Variants in ZNF541 observed in about 807,000 individuals in gnomAD.
ZNF541 encodes the protein zinc finger protein 541.
Under a neutral mutation model 123.5 loss-of-function variants are expected in ZNF541, and 23 were observed. The ratio of observed to expected loss-of-function variants is 0.19; its 90% CI spans 0.13 to 0.26. ZNF541 has a LOEUF of 0.26. Among genes scored for constraint, ZNF541 ranks in the 10% least tolerant of loss-of-function variants. The pLI is 1.00. For synonymous variants in ZNF541, 751 were observed against 754.5 expected, an observed-to-expected ratio of 1.00 and a Z score of 0.08; for missense variants, 1,612 against 1,789.9, an observed-to-expected ratio of 0.90 and a Z score of 1.79.
At chr19:47,547,578 A>G (rs1970408057) in intron 4 of ZNF541, among the ~76,000 whole-genome samples, 1 of 152,136 alleles carries the variant, frequency 6.6e-6, no homozygotes, top group African/African-American at 2.4e-5. Context: ...ACCCCCAGCT[A>G]TTACCAACTT....
In ZNF541 at chr19:47,551,825, A is replaced by G. The variant is rs145745050; in HGVS notation, c.308-2340T>C. ...CTGGGATTACAGGCGTGAACCATAC[A>G]TAGCACCTGGCTTAAACTGCCTTAT... On this transcript the variant is annotated intron_variant, in intron 3 of 16. Coordinates refer to ENST00000391901, the MANE Select transcript of ZNF541 (RefSeq NM_001277075.3). Among the ~76,000 whole-genome samples the G allele has an allele frequency of 4.7e-4, 71 of 150,766 alleles. 2 individuals carry two copies. The East Asian group carries it at 0.011, about 22-fold the overall frequency.
rs760781589 is a variant in ZNF541 at position 47,521,430 on chromosome 19, G to A, written c.3887+49C>T. On this transcript the variant is annotated intron_variant, in intron 16 of 16. Coordinates refer to ENST00000391901, the MANE Select transcript of ZNF541 (RefSeq NM_001277075.3). The surrounding 1 kb of genome is among the most constrained non-coding windows in gnomAD (Gnocchi z 4.2). The stretch of plus-strand genomic sequence containing the variant: ...CAGAGCAGGGAGGAAGGGATCACAG[G>A]GGCTGAGGCTGGGAGCCCTGGGAGT... The A allele has an allele frequency of 4.5e-6, 7 of 1,550,568 alleles. No individual in the cohort carries two copies. Among genetic ancestry groups the A allele is most frequent in the Non-Finnish European group, 5.2e-6 (6 of 1,145,988 alleles).
intron 2 of ZNF541, among the ~76,000 whole-genome samples, chr19:47,568,171 T>A (rs1310552966): frequency 6.6e-6 from 1 of 151,974 alleles, no homozygotes; most frequent in East Asian, 1.9e-4. Context: ...TTTGAAAAGC[T>A]CCAACCACTG....
At chr19:47,528,125 A>C (rs1453210279) in intron 14 of ZNF541, among the ~76,000 whole-genome samples, 1 of 135,022 alleles carries the variant, frequency 7.4e-6, no homozygotes, top group Non-Finnish European at 1.6e-5. Context: ...GACTAGCCTG[A>C]CCAACATGGA....
chr19:47,562,311 G>A (rs575369186), intron 2 of ZNF541, among the ~76,000 whole-genome samples: 12 of 151,436 alleles, frequency 7.9e-5, no homozygotes, highest in South Asian at 4.2e-4. Flanking sequence ...TGGGAGGTCC[G>A]GGAGGGCGGA....
chr19:47,542,775 G>A lies in ZNF541; in HGVS notation c.2403+1351C>T, dbSNP rs541012445. Among the ~76,000 whole-genome samples, 384 of 152,142 alleles carry A rather than the reference G, an allele frequency of 2.5e-3. 1 individual carries two copies. The highest frequency in any genetic ancestry group is 8.5e-3 in the African/African-American group (351 of 41,480). On this transcript the variant is annotated intron_variant, in intron 5 of 16. Transcript: ENST00000391901. Reference sequence around the variant, plus strand: ...AGCCTGGCCAAGATGGTGAAACCTCGTCTCTACTAAACACACAAAAATTAG... The same window carrying A: ...AGCCTGGCCAAGATGGTGAAACCTCATCTCTACTAAACACACAAAAATTAG...
At chr19:47,531,845 C>T in intron 11 of ZNF541, 100 bp from the exon 12 acceptor site, 21 of 1,084,754 alleles carry the variant, frequency 1.9e-5, no homozygotes, top group Non-Finnish European at 2.6e-5. Flanking sequence ...GGTGCCTTCC[C>T]CTTCTCTCTC....
At position 47,545,708 on chromosome 19, in the gene ZNF541, A is replaced by G. The variant is rs1479885984; in HGVS notation, c.821T>C (p.Leu274Pro). Residue 274 changes from leucine (L) to proline (P), a missense_variant, in exon 5 of 17, where the codon CTC (leucine) becomes CCC (proline). By Grantham distance (98) the Leu-to-Pro change is moderately conservative (BLOSUM62 -3). Transcript: ENST00000391901. The surrounding 1 kb of genome is among the most constrained non-coding windows in gnomAD (Gnocchi z 7.5). ...GATGCTACTCACGATGCGGCGCAGG[A>G]GGTCCCGGTGGGGCAGGAGGGAGCC... Reference protein sequence around the residue: ...SPGSLLPHRDLLRRIVSSIVH... With the variant: ...SPGSLLPHRDPLRRIVSSIVH... 6 of 1,547,234 alleles carry G rather than the reference A, an allele frequency of 3.9e-6. No homozygotes were observed.
chr19:47,540,466 G>A lies in ZNF541; in HGVS notation c.2463-131C>T, dbSNP rs1481371692. On this transcript the variant is annotated intron_variant, in intron 6 of 16. Coordinates refer to ENST00000391901, the MANE Select transcript of ZNF541 (RefSeq NM_001277075.3). ...ACTTTTTTTTTTTTTTGGAGATGGAGTCTCACTCTGTTGCCCAGACTGGAG... is the reference window on the plus strand; with the variant it reads ...ACTTTTTTTTTTTTTTGGAGATGGAATCTCACTCTGTTGCCCAGACTGGAG... 4.4e-5 allele frequency: 42 copies of A among 956,610 alleles called. No homozygotes were observed. In the East Asian group the frequency reaches 1.1e-3, roughly 25 times the overall value. The allele number at this position is 956,610 out of a possible 1,614,324, so 59.3% of individuals were successfully genotyped here. A position where few individuals can be genotyped will look rare whatever the true frequency, so the allele number is the denominator to read the frequency against.
intron 8 of ZNF541, among the ~76,000 whole-genome samples, chr19:47,538,847 G>A (rs777386527): frequency 5.3e-5 from 8 of 152,164 alleles, no homozygotes; most frequent in Non-Finnish European, 8.8e-5. Context: ...CCCGAGTCCA[G>A]CAGGAGCTTC....
chr19:47,538,004 T>G (rs953175855), intron 9 of ZNF541, 138 bp downstream of exon 9: 3 of 1,028,490 alleles, frequency 2.9e-6, no homozygotes, highest in Non-Finnish European at 4.2e-6. Flanking sequence ...GGGGCACATC[T>G]GAATAGCAAA....
chr19:47,554,430 C>CA (rs894913600), intron 3 of ZNF541, among the ~76,000 whole-genome samples: 32 of 150,598 alleles, frequency 2.1e-4, no homozygotes, highest in African/African-American at 6.3e-4. Context: ...GACTCCGTCT[C>CA]AAAAAAAAAG....
At chr19:47,547,439 G>A (rs1049881342) in intron 4 of ZNF541, among the ~76,000 whole-genome samples, 2 of 152,078 alleles carry the variant, frequency 1.3e-5, no homozygotes, top group African/African-American at 4.8e-5. Flanking sequence ...CACCCTCTGG[G>A]CCCCCAACAG....
intron 9 of ZNF541, among the ~76,000 whole-genome samples, chr19:47,533,492 T>C (rs1599960227): frequency 1.4e-5 from 2 of 140,198 alleles, no homozygotes; most frequent in African/African-American, 5.3e-5. Context: ...AACAGCACAC[T>C]AAAGTCTCTG....
rs1454989576 is a variant in ZNF541, at chr19:47,521,569, C to T, written c.3797G>A (p.Ser1266Asn). ...CTTGGAGCCTGCATTTGGGCTGGAG[C>T]TGAGGATGGACTCCCTCCTATAACT... ...TKSYRRESIL[S>N]SSPNAGSKRT... is the part of the protein sequence containing the mutation. Residue 1266 changes from serine (S) to asparagine (N), a missense_variant, in exon 16 of 17, where the codon AGC becomes AAC. Ser to Asn is a conservative substitution (Grantham distance 46). Around this residue, in one of 5 missense-constraint regions of ZNF541, gnomAD observed 285 missense variants for 407.3 expected, o/e 0.70. Coordinates refer to ENST00000391901, the MANE Select transcript of ZNF541 (RefSeq NM_001277075.3). This position sits in a 1 kb window ranked among gnomAD's most constrained non-coding sequence, Gnocchi z 4.2. 1 of 1,551,696 alleles carries T rather than the reference C, an allele frequency of 6.4e-7. No homozygotes were observed. Among genetic ancestry groups the T allele is most frequent in the South Asian group, 1.2e-5 (1 of 84,062 alleles).
chr19:47,544,493 T>A lies in ZNF541; in HGVS notation c.2036A>T (p.Gln679Leu). 1 of 1,551,704 alleles carries A rather than the reference T, an allele frequency of 6.4e-7. No homozygotes were observed. The highest frequency in any genetic ancestry group is 8.7e-7 in the Non-Finnish European group (1 of 1,147,004). Residue 679 changes from glutamine to leucine, a missense_variant, in exon 5 of 17, where the codon CAG (glutamine) becomes CTG (leucine). Physicochemically the swap from Gln to Leu is moderately radical, Grantham distance 113 (BLOSUM62 -2). Coordinates refer to ENST00000391901, the MANE Select transcript of ZNF541 (RefSeq NM_001277075.3). Reference protein sequence around the residue: ...RNPDISSLAKQLRSSKGTLDL... With the variant: ...RNPDISSLAKLLRSSKGTLDL... ...CAAGGTCCCTTTAGAGGATCGCAGC[T>A]GCTTGGCCAGAGAAGAGATGTCTGG... is the stretch of plus-strand genomic sequence containing the variant.
intron 13 of ZNF541, among the ~76,000 whole-genome samples, chr19:47,529,307 C>G (rs190480400): frequency 4.6e-5 from 7 of 152,306 alleles, no homozygotes; most frequent in African/African-American, 1.7e-4. Flanking sequence ...AACCACTGAA[C>G]CTAAGCCCAT....
chr19:47,522,116 C>A, intron 14 of ZNF541, 122 bp from the exon 15 acceptor site: 1 of 1,288,444 alleles, frequency 7.8e-7, no homozygotes, highest in Non-Finnish European at 1.1e-6. Flanking sequence ...TTTGGCTTGG[C>A]GTTACCACTC....
At chr19:47,569,287 G>T (rs1407475615) in intron 2 of ZNF541, among the ~76,000 whole-genome samples, 6 of 151,960 alleles carry the variant, frequency 3.9e-5, no homozygotes, top group Non-Finnish European at 5.9e-5. Context: ...AACATTTATT[G>T]AGGCTTTATG....
Sources: allele counts gnomAD v4.1 joint callset (sites outside exome capture counted in the v4.1 genomes callset), GRCh38; gene constraint gnomAD v4.1.1; regional missense constraint gnomAD v4.1.1; non-coding constraint Gnocchi (gnomAD v3.1); transcripts MANE v1.5; gene names NCBI Gene and HGNC (gene_info 2026-07-23, HGNC 2026-07-21).